The following RSPO2 variants were observed in gnomAD, a reference collection of about 807,000 sequenced individuals.
The protein encoded by RSPO2 is R-spondin 2.
RSPO2 carries 14 observed loss-of-function variants against 30.9 expected under a neutral mutation model. The observed-to-expected ratio is 0.45, with a 90% CI of 0.30 to 0.71. The LOEUF is 0.71. Among genes scored for constraint, RSPO2 ranks in the 30% least tolerant of loss-of-function variants. The pLI is 0.08. For missense variants in RSPO2, 264 were observed against 301.9 expected (o/e 0.87, Z 0.93); for synonymous variants, 107 against 96.4 (o/e 1.11, Z -0.64).
At chr8:107,907,458 C>T (rs558790911) in intron 5 of RSPO2, among the ~76,000 whole-genome samples, 4 of 152,114 alleles carry the variant, frequency 2.6e-5, no homozygotes, top group African/African-American at 9.6e-5. Flanking sequence ...AAAATAATAA[C>T]AAGCCACCTG....
intron 5 of RSPO2, among the ~76,000 whole-genome samples, chr8:107,935,105 G>A (rs1043051661): frequency 1.3e-5 from 2 of 152,152 alleles, no homozygotes; most frequent in Non-Finnish European, 2.9e-5. Context: ...GGACAGAACA[G>A]AATAGTATTT....
At chr8:108,064,310 C>CAA (rs907967327) in intron 2 of RSPO2, among the ~76,000 whole-genome samples, 24 of 150,872 alleles carry the variant, frequency 1.6e-4, no homozygotes, top group African/African-American at 4.9e-4. Flanking sequence ...CCAGAATCTA[C>CAA]AAAAAAAACA....
chr8:107,901,833 G>C (rs1259351402), intron 5 of RSPO2, among the ~76,000 whole-genome samples: 1 of 152,192 alleles, frequency 6.6e-6, no homozygotes, highest in African/African-American at 2.4e-5. Context: ...TATTTGTTTT[G>C]ATAAACTGGT....
intron 2 of RSPO2, among the ~76,000 whole-genome samples, chr8:108,064,068 T>C (rs966883808): frequency 6.6e-6 from 1 of 152,076 alleles, no homozygotes; most frequent in East Asian, 1.9e-4. Flanking sequence ...CCTAAAACCA[T>C]AAAAACCCTA....
At chr8:107,941,568 A>G (rs1812897955) in intron 5 of RSPO2, among the ~76,000 whole-genome samples, 2 of 152,240 alleles carry the variant, frequency 1.3e-5, no homozygotes, top group African/African-American at 2.4e-5. Flanking sequence ...AACATAAATG[A>G]AAGCTATCAT....
intron 2 of RSPO2, among the ~76,000 whole-genome samples, chr8:108,057,153 G>A (rs1406256631): frequency 7.2e-6 from 1 of 139,018 alleles, no homozygotes; most frequent in Non-Finnish European, 1.5e-5. Context: ...TTTTAATACT[G>A]AAATGGTTAA....
intron 3 of RSPO2, among the ~76,000 whole-genome samples, chr8:107,977,318 A>G (rs1485682513): frequency 2.0e-5 from 3 of 152,204 alleles, no homozygotes; most frequent in Non-Finnish European, 4.4e-5. Context: ...GGTCAGCCAC[A>G]CCTGTGAACT....
At chr8:107,940,234 A>G (rs763410857) in intron 5 of RSPO2, among the ~76,000 whole-genome samples, 34 of 152,244 alleles carry the variant, frequency 2.2e-4, no homozygotes, top group Admixed American at 1.4e-3. Flanking sequence ...TAGCAGATAA[A>G]GTGTTGGATT....
intron 3 of RSPO2, among the ~76,000 whole-genome samples, chr8:107,978,870 G>A (rs1653771346): frequency 6.6e-6 from 1 of 152,150 alleles, no homozygotes; most frequent in African/African-American, 2.4e-5. Context: ...AGTGGGCAAA[G>A]GATATGAACA....
Position 107,995,371 on chromosome 8 carries a change from C to T in RSPO2, c.95-6127G>A, listed in dbSNP as rs544571015. On this transcript the variant is annotated intron_variant, in intron 2 of 5. Transcript: ENST00000276659. ...CTGGGTAAGCGACTTTCCAAATGCT[C>T]CTTTATATATATATGCATGTATACA... 2.6e-5 allele frequency among the ~76,000 whole-genome samples: 4 copies of T among 152,160 alleles called. No homozygotes were observed. The South Asian group carries it at 8.3e-4, about 32-fold the overall frequency.
chr8:108,050,569 GA>G (rs1812051260), intron 2 of RSPO2, among the ~76,000 whole-genome samples: 1 of 152,036 alleles, frequency 6.6e-6, no homozygotes, highest in South Asian at 2.1e-4. Flanking sequence ...TTAAAAAAAA[GA>G]AAACCTCACT....
At chr8:108,078,293 G>T (rs908633476) in intron 2 of RSPO2, among the ~76,000 whole-genome samples, 1 of 152,276 alleles carries the variant, frequency 6.6e-6, no homozygotes, top group African/African-American at 2.4e-5. Context: ...AAAAAATTAT[G>T]CCGTTATGTT....
chr8:108,052,915 A>G (rs1812119361), intron 2 of RSPO2, among the ~76,000 whole-genome samples: 1 of 152,198 alleles, frequency 6.6e-6, no homozygotes, highest in Admixed American at 6.5e-5. Flanking sequence ...TTTATTTTAA[A>G]TAGGCAGGAA....
intron 2 of RSPO2, among the ~76,000 whole-genome samples, chr8:108,063,178 C>G (rs1210536077): frequency 6.6e-6 from 1 of 151,676 alleles, no homozygotes; most frequent in Non-Finnish European, 1.5e-5. Context: ...GAAGTTCTGG[C>G]CAGGGCAATC....
chr8:107,980,889 T>C (rs1276612989), intron 3 of RSPO2, among the ~76,000 whole-genome samples: 1 of 152,226 alleles, frequency 6.6e-6, no homozygotes, highest in Non-Finnish European at 1.5e-5. Flanking sequence ...CACCACTTTA[T>C]GTAATGATGC....
At chr8:108,060,649 G>A (rs1476614599) in intron 2 of RSPO2, among the ~76,000 whole-genome samples, 1 of 151,740 alleles carries the variant, frequency 6.6e-6, no homozygotes, top group Non-Finnish European at 1.5e-5. Flanking sequence ...ATCTAGCAAG[G>A]CAGGCCAACA....
At chr8:107,937,002 G>A (rs1041050561) in intron 5 of RSPO2, among the ~76,000 whole-genome samples, 14 of 152,028 alleles carry the variant, frequency 9.2e-5, no homozygotes, top group Admixed American at 5.2e-4. Context: ...ACGTAGTCCC[G>A]TTTGTCTATT....
In RSPO2 at chr8:108,082,718, G is replaced by A. The variant is rs1340243452; in HGVS notation, c.-80C>T. On this transcript the variant is annotated 5_prime_UTR_variant, in exon 2 of 6. Coordinates refer to ENST00000276659, the MANE Select transcript of RSPO2 (RefSeq NM_178565.5). ...CGCCCAAAGAGCCGGCGCCGGCCGC[G>A]CTGCTGGGGAGGACTCAGAGGGAGA... 2.4e-6 allele frequency: 3 copies of A among 1,248,344 alleles called. No individual in the cohort carries two copies. The highest frequency in any genetic ancestry group is 1.9e-4 in the Middle Eastern group (1 of 5,152). The allele number at this position is 1,248,344 out of a possible 1,614,324, so 77.3% of individuals were successfully genotyped here. A position where few individuals can be genotyped will look rare whatever the true frequency, so the allele number is the denominator to read the frequency against.
rs549565046 is a variant in RSPO2 at position 108,029,040 on chromosome 8, C to A, written c.95-39796G>T. Reference sequence around the variant, plus strand: ...ACTAGAGCAGGGTAAACTTGGGTAACTGTTAACATGAGTCTTTTTTTTTTT... The same window carrying A: ...ACTAGAGCAGGGTAAACTTGGGTAAATGTTAACATGAGTCTTTTTTTTTTT... On this transcript the variant is annotated intron_variant, in intron 2 of 5. Coordinates refer to ENST00000276659, the MANE Select transcript of RSPO2 (RefSeq NM_178565.5). 1.3e-3 allele frequency among the ~76,000 whole-genome samples: 134 copies of A among 103,776 alleles called. 4 individuals carry two copies. The highest frequency in any genetic ancestry group is 3.3e-4 in the Non-Finnish European group (18 of 54,454). 68.1% of individuals were successfully genotyped at this position (103,776 alleles called of 152,430 possible).
Sources: allele counts gnomAD v4.1 joint callset (sites outside exome capture counted in the v4.1 genomes callset), GRCh38; gene constraint gnomAD v4.1.1; transcripts MANE v1.5; gene names NCBI Gene and HGNC (gene_info 2026-07-23, HGNC 2026-07-21).